The following MCHR2 variants were observed in gnomAD, a reference collection of about 807,000 sequenced individuals.
MCHR2 encodes the protein melanin-concentrating hormone receptor 2.
MCHR2 carries 15 observed loss-of-function variants against 24.8 expected under a neutral mutation model. The observed-to-expected ratio is 0.60, with a 90% confidence interval of 0.40 to 0.93. The LOEUF (loss-of-function observed/expected upper bound fraction) is 0.93, where lower values mean the gene tolerates loss of function less well. MCHR2 is among the 40% of genes least tolerant of loss of function. The pLI, the probability that MCHR2 is intolerant of heterozygous loss-of-function variation, is 0.00. For missense variants in MCHR2, 386 were observed against 408.7 expected, an observed-to-expected ratio of 0.94 and a Z score of 0.48; for synonymous variants, 151 against 147.6, an observed-to-expected ratio of 1.02 and a Z score of -0.17.
intron 1 of MCHR2, among the ~76,000 whole-genome samples, chr6:99,984,972 A>G (rs544386985): frequency 3.3e-5 from 5 of 152,304 alleles, no homozygotes; most frequent in African/African-American, 1.2e-4. Flanking sequence ...AAATGACTTC[A>G]GTAAAGTTTC....
chr6:99,992,868 G>A (rs982337524), intron 1 of MCHR2, among the ~76,000 whole-genome samples: 8 of 152,120 alleles, frequency 5.3e-5, no homozygotes, highest in African/African-American at 1.9e-4. Context: ...CACAAATAAT[G>A]GGTTACCAAC....
chr6:99,983,133 G>GT (rs138320533), intron 1 of MCHR2, among the ~76,000 whole-genome samples: 78,664 of 150,586 alleles, frequency 0.52, 22,294 homozygotes, highest in East Asian at 0.86. Flanking sequence ...GCTAATTTTT[G>GT]GTTTTTTTTG....
chr6:99,947,864 C>A lies in MCHR2; in HGVS notation c.290G>T (p.Gly97Val). The change falls in exon 3 of 6, where the codon GGA becomes GTA. Residue 97 changes from glycine to valine, a missense_variant. Transcript: ENST00000281806. ...PFLIHQWARG[G>V]EWVFGGPLCT... The stretch of plus-strand genomic sequence containing the variant: ...GAGAGGCCCCCCAAACACCCACTCT[C>A]CCCCTCGGGCCCATTGGTGAATAAG... 1 of 1,613,776 alleles carries A rather than the reference C, an allele frequency of 6.2e-7. No homozygotes were observed. Among genetic ancestry groups the A allele is most frequent in the South Asian group, 1.1e-5 (1 of 91,076 alleles).
chr6:99,984,153 C>T (rs573274169), intron 1 of MCHR2, among the ~76,000 whole-genome samples: 3 of 152,126 alleles, frequency 2.0e-5, no homozygotes, highest in Non-Finnish European at 4.4e-5. Flanking sequence ...TGCACATACA[C>T]ATATATACAT....
chr6:99,947,878 T>A lies in MCHR2; in HGVS notation c.276A>T (p.Gln92His), dbSNP rs770481863. The A allele has an allele frequency of 6.2e-7, 1 of 1,613,244 alleles. No individual in the cohort carries two copies. The highest frequency in any genetic ancestry group is 1.1e-5 in the South Asian group (1 of 91,044). ...HIVGMPFLIHQWARGGEWVFG... is the reference protein window; with the variant it reads ...HIVGMPFLIHHWARGGEWVFG... ...ACACCCACTCTCCCCCTCGGGCCCATTGGTGAATAAGAAAAGGCATTCCAA... is the reference window on the plus strand; with the variant it reads ...ACACCCACTCTCCCCCTCGGGCCCAATGGTGAATAAGAAAAGGCATTCCAA... The change falls in exon 3 of 6, where the codon CAA (glutamine) becomes CAT (histidine). Residue 92 changes from glutamine (Q) to histidine (H), a missense_variant. By Grantham distance (24) the Gln-to-His change is conservative (BLOSUM62 0). Transcript: ENST00000281806.
At chr6:99,923,051 TC>T (rs1774272068) in intron 5 of MCHR2, among the ~76,000 whole-genome samples, 1 of 152,176 alleles carries the variant, frequency 6.6e-6, no homozygotes, top group Admixed American at 6.5e-5. Context: ...TTTTTTGGTG[TC>T]CTCTTCAATT....
At chr6:99,988,310 A>G (rs1775804912) in intron 1 of MCHR2, among the ~76,000 whole-genome samples, 1 of 152,176 alleles carries the variant, frequency 6.6e-6, no homozygotes, top group South Asian at 2.1e-4. Flanking sequence ...TCAGTATACA[A>G]ATCTTTTCCA....
chr6:99,953,799 G>C lies in MCHR2; in HGVS notation c.182+2167C>G, dbSNP rs1051312504. On this transcript the variant is annotated intron_variant, in intron 2 of 5. Coordinates refer to ENST00000281806, the MANE Select transcript of MCHR2 (RefSeq NM_001040179.2). ...TAGCACTTAAAGAAAAATTTAAAAT[G>C]CTTGATATTCACAAATAGCTTTACA... is the stretch of plus-strand genomic sequence containing the variant. 2.6e-5 allele frequency among the ~76,000 whole-genome samples: 4 copies of C among 151,924 alleles called. No individual in the cohort carries two copies. The East Asian group carries it at 7.7e-4, about 29-fold the overall frequency.
intron 1 of MCHR2, among the ~76,000 whole-genome samples, chr6:99,958,597 C>T (rs905996367): frequency 1.3e-5 from 2 of 152,076 alleles, no homozygotes; most frequent in African/African-American, 4.8e-5. Flanking sequence ...AAATCTCAGA[C>T]CCTCTTTCTC....
intron 2 of MCHR2, among the ~76,000 whole-genome samples, chr6:99,954,663 A>AT (rs1328502700): frequency 6.6e-6 from 1 of 151,998 alleles, no homozygotes; most frequent in Non-Finnish European, 1.5e-5. Flanking sequence ...TAATGGTCAT[A>AT]TTTTTTACTG....
chr6:99,955,328 G>A (rs1775038013), intron 2 of MCHR2, among the ~76,000 whole-genome samples: 1 of 152,122 alleles, frequency 6.6e-6, no homozygotes, highest in African/African-American at 2.4e-5. Flanking sequence ...CTTGAGAGGA[G>A]GAAATTACCT....
intron 1 of MCHR2, among the ~76,000 whole-genome samples, chr6:99,977,558 A>G (rs1775575908): frequency 6.6e-6 from 1 of 152,126 alleles, no homozygotes; most frequent in Non-Finnish European, 1.5e-5. Context: ...AAAAAAAGTC[A>G]TATTTACCAT....
intron 1 of MCHR2, among the ~76,000 whole-genome samples, chr6:99,986,265 A>G (rs1408916000): frequency 6.6e-6 from 1 of 152,162 alleles, no homozygotes; most frequent in Non-Finnish European, 1.5e-5. Flanking sequence ...CAGTACGAAG[A>G]TTTCTCAAGG....
Position 99,947,873 on chromosome 6 carries a change from G to C in MCHR2, c.281C>G (p.Ala94Gly). Residue 94 changes from alanine (A) to glycine (G), a missense_variant, in exon 3 of 6, where the codon GCC becomes GGC. Ala to Gly is a moderately conservative substitution (Grantham distance 60, BLOSUM62 0). Transcript: ENST00000281806. ...CCCAAACACCCACTCTCCCCCTCGG[G>C]CCCATTGGTGAATAAGAAAAGGCAT... ...VGMPFLIHQW[A>G]RGGEWVFGGP... 6.2e-7 allele frequency: 1 copy of C among 1,613,730 alleles called. No homozygotes were observed. The highest frequency in any genetic ancestry group is 8.5e-7 in the Non-Finnish European group (1 of 1,179,812).
chr6:99,955,648 A>G (rs1258913222), intron 2 of MCHR2, among the ~76,000 whole-genome samples: 3 of 152,092 alleles, frequency 2.0e-5, no homozygotes, highest in East Asian at 1.9e-4. Flanking sequence ...GTGAAACTGC[A>G]TATCAGGAGT....
intron 1 of MCHR2, among the ~76,000 whole-genome samples, chr6:99,959,482 A>G (rs9399361): frequency 0.99 from 149,302 of 151,318 alleles, 73,681 homozygotes; most frequent in Middle Eastern, 1. Flanking sequence ...ACAAAGAAGC[A>G]GAGAAAAATT....
intron 5 of MCHR2, 72 bp from the exon 6 acceptor site, chr6:99,921,327 C>A (rs1316951800): frequency 8.6e-6 from 12 of 1,392,232 alleles, no homozygotes; most frequent in Middle Eastern, 1.8e-4. Context: ...GTTCCTAGAA[C>A]CTTTTGGACA....
intron 1 of MCHR2, among the ~76,000 whole-genome samples, chr6:99,965,156 G>A (rs569371125): frequency 3.5e-4 from 53 of 152,246 alleles, no homozygotes; most frequent in African/African-American, 1.2e-3. Flanking sequence ...TATAATAACA[G>A]TAAAAGTATT....
intron 1 of MCHR2, among the ~76,000 whole-genome samples, chr6:99,959,296 C>G (rs1016116528): frequency 2.6e-5 from 4 of 151,946 alleles, no homozygotes; most frequent in African/African-American, 9.7e-5. Flanking sequence ...TAAGTAGGAA[C>G]CTAGACACAC....
Sources: allele counts gnomAD v4.1 joint callset (sites outside exome capture counted in the v4.1 genomes callset), GRCh38; gene constraint gnomAD v4.1.1; transcripts MANE v1.5; gene names NCBI Gene and HGNC (gene_info 2026-07-23, HGNC 2026-07-21).